Variants in EYS observed in about 807,000 individuals in gnomAD.
The protein encoded by EYS is protein eyes shut homolog.
In EYS, 250 loss-of-function variants were observed where a neutral mutation model predicts 282.1. The ratio of observed to expected loss-of-function variants is 0.89; its 90% CI spans 0.80 to 0.98. The LOEUF (loss-of-function observed/expected upper bound fraction) is 0.98. Among genes scored for constraint, EYS ranks in the 50% least tolerant of loss-of-function variants. The probability of loss-of-function intolerance (pLI) is 0.00; values close to 1 mark genes in which losing one functional copy is unlikely to be tolerated. For missense variants in EYS, 4,016 were observed against 3,709.0 expected, an observed-to-expected ratio of 1.08 and a Z score of -2.15; for synonymous variants, 1,355 against 1,282.9, an observed-to-expected ratio of 1.06 and a Z score of -1.20.
chr6:65,538,563 G>A (rs1768045665), intron 2 of EYS, among the ~76,000 whole-genome samples: 1 of 152,010 alleles, frequency 6.6e-6, no homozygotes, highest in Non-Finnish European at 1.5e-5. Context: ...CATATATTGA[G>A]TATCTCCCAA....
chr6:65,402,905 A>C (rs1329657016), intron 6 of EYS, among the ~76,000 whole-genome samples: 1 of 152,074 alleles, frequency 6.6e-6, no homozygotes, highest in Admixed American at 6.6e-5. Context: ...GGCCATATAG[A>C]TTCTATCTAA....
At chr6:65,123,506 C>T (rs530603196) in intron 12 of EYS, among the ~76,000 whole-genome samples, 16 of 152,104 alleles carry the variant, frequency 1.1e-4, no homozygotes, top group African/African-American at 3.4e-4. Context: ...ATAAAAGGTC[C>T]TTTGAACAGA....
intron 2 of EYS, among the ~76,000 whole-genome samples, chr6:65,616,057 T>C (rs1766188463): frequency 7.0e-6 from 1 of 143,846 alleles, no homozygotes; most frequent in Non-Finnish European, 1.6e-5. Flanking sequence ...TGCATTAGCA[T>C]CAAGCATTAA....
chr6:64,478,062 T>C (rs761278723), intron 26 of EYS, among the ~76,000 whole-genome samples: 7 of 152,082 alleles, frequency 4.6e-5, no homozygotes, highest in Non-Finnish European at 1.0e-4. Context: ...GCATCCCTTC[T>C]ACTTCTGTAG....
rs115422752 is a variant in EYS at position 64,623,171 on chromosome 6, C to T, written c.3568+2950G>A. Among the ~76,000 whole-genome samples, 663 of 152,196 alleles carry T rather than the reference C, an allele frequency of 4.4e-3. 3 individuals carry two copies. The highest frequency in any genetic ancestry group is 0.015 in the African/African-American group (627 of 41,554). ...CTGTAGTAAGCACATTTAACATGAGCTCTCACCATTTAACACGTTTAACTG... is the reference window on the plus strand; with the variant it reads ...CTGTAGTAAGCACATTTAACATGAGTTCTCACCATTTAACACGTTTAACTG... On this transcript the variant is annotated intron_variant, in intron 23 of 42. Coordinates refer to ENST00000503581, the MANE Select transcript of EYS (RefSeq NM_001142800.2).
intron 7 of EYS, among the ~76,000 whole-genome samples, chr6:65,401,089 A>T (rs1191563182): frequency 2.0e-5 from 3 of 151,960 alleles, no homozygotes; most frequent in African/African-American, 7.2e-5. Flanking sequence ...TAGCTCTTCA[A>T]GAAGTTCTAA....
At chr6:63,766,079 T>C (rs115634088) in intron 40 of EYS, among the ~76,000 whole-genome samples, 1,835 of 151,918 alleles carry the variant, frequency 0.012, 30 homozygotes, top group African/African-American at 0.042. Flanking sequence ...TCTTAGCATA[T>C]TTTTTTTGCT....
At chr6:65,542,701 C>A (rs1248873431) in intron 2 of EYS, among the ~76,000 whole-genome samples, 1 of 151,704 alleles carries the variant, frequency 6.6e-6, no homozygotes, top group Middle Eastern at 3.2e-3. Flanking sequence ...GATTTATAAC[C>A]CCAACTCTAT....
Position 64,645,874 on chromosome 6 carries a change from T to A in EYS, c.3444-19629A>T, listed in dbSNP as rs140229753. On this transcript the variant is annotated intron_variant, in intron 22 of 42. Transcript: ENST00000503581. ...AGGCATATTGTTGAGATGACTAAGG[T>A]TAATCTGTCTCCATTTGCTTAAATA... Among the ~76,000 whole-genome samples, 873 of 152,314 alleles carry A rather than the reference T, an allele frequency of 5.7e-3. 8 individuals carry two copies. The highest frequency in any genetic ancestry group is 0.02 in the African/African-American group (811 of 41,560).
At chr6:65,170,216 G>A (rs929059424) in intron 12 of EYS, among the ~76,000 whole-genome samples, 4 of 150,658 alleles carry the variant, frequency 2.7e-5, no homozygotes, top group Admixed American at 1.3e-4. Context: ...ATGCACACAC[G>A]CGCGCGTGCA....
chr6:65,412,403 C>T (rs1332935074), intron 5 of EYS, among the ~76,000 whole-genome samples: 1 of 152,104 alleles, frequency 6.6e-6, no homozygotes, highest in Non-Finnish European at 1.5e-5. Flanking sequence ...TTTAAAGAAA[C>T]TGTCAAATTG....
intron 40 of EYS, among the ~76,000 whole-genome samples, chr6:63,771,043 TA>T (rs1769915426): frequency 6.6e-6 from 1 of 152,156 alleles, no homozygotes; most frequent in African/African-American, 2.4e-5. Flanking sequence ...CAGTTGTCTG[TA>T]GGCCTTATTT....
chr6:64,432,742 TAATGTTCTACCTGGTGGTGTTC>T (rs1774614264), intron 28 of EYS, among the ~76,000 whole-genome samples: 1 of 151,950 alleles, frequency 6.6e-6, no homozygotes, highest in African/African-American at 2.4e-5. Context: ...CCTTCTACCT[TAATGTTCTACCTGGTGGTGTTC>T]AATAGTGGAG....
intron 12 of EYS, among the ~76,000 whole-genome samples, chr6:65,179,562 T>C (rs1765319424): frequency 1.3e-5 from 2 of 151,630 alleles, no homozygotes; most frequent in African/African-American, 4.8e-5. Context: ...ATTGAGGCAA[T>C]AACAGCTTAG....
intron 36 of EYS, chr6:63,857,541 G>A (rs1772426655): frequency 3.7e-6 from 1 of 269,134 alleles, no homozygotes; most frequent in Non-Finnish European, 7.6e-6. Context: ...GCAATTGCTA[G>A]CTCTGTCAAG....
intron 12 of EYS, among the ~76,000 whole-genome samples, chr6:65,101,416 T>C (rs1190298683): frequency 6.6e-6 from 1 of 151,420 alleles, no homozygotes; most frequent in East Asian, 1.9e-4. Flanking sequence ...CCTTCTTCAT[T>C]ACTCAGCTTT....
At chr6:64,450,301 GAACT>G (rs1369652973) in intron 26 of EYS, among the ~76,000 whole-genome samples, 2 of 152,098 alleles carry the variant, frequency 1.3e-5, no homozygotes, top group African/African-American at 2.4e-5. Context: ...TCAACAAGAA[GAACT>G]AACTATCCTA....
At chr6:63,905,343 T>A (rs1231505531) in intron 35 of EYS, among the ~76,000 whole-genome samples, 3 of 149,594 alleles carry the variant, frequency 2.0e-5, no homozygotes, top group Non-Finnish European at 4.5e-5. Flanking sequence ...TTTTTTTTTT[T>A]TTTTGAGACG....
chr6:64,468,673 A>G (rs890324343), intron 26 of EYS, among the ~76,000 whole-genome samples: 1 of 152,190 alleles, frequency 6.6e-6, no homozygotes, highest in African/African-American at 2.4e-5. Context: ...ACCTTCAAGT[A>G]GGTCCTGGTG....
Sources: gnomAD v4.1 joint callset for allele counts (sites outside exome capture counted in the v4.1 genomes callset) on GRCh38, gnomAD v4.1.1 for gene constraint, MANE v1.5 for transcripts, NCBI Gene and HGNC (gene_info 2026-07-23, HGNC 2026-07-21) for gene names.